The following S100PBP variants were observed in gnomAD, a reference collection of about 807,000 sequenced individuals.
S100PBP encodes S100P binding protein, also known as S100P-binding protein.
In S100PBP, 15 loss-of-function variants were observed where a neutral mutation model predicts 39.9. The observed-to-expected ratio is 0.38, with a 90% CI of 0.25 to 0.58. The LOEUF is 0.58. Among genes scored for constraint, S100PBP ranks in the 20% least tolerant of loss-of-function variants. The probability of loss-of-function intolerance (pLI) is 0.70; values close to 1 mark genes in which losing one functional copy is unlikely to be tolerated. For missense variants in S100PBP, 504 were observed against 487.3 expected, an observed-to-expected ratio of 1.03 and a Z score of -0.32; for synonymous variants, 178 against 180.3, an observed-to-expected ratio of 0.99 and a Z score of 0.10.
intron 5 of S100PBP, among the ~76,000 whole-genome samples, chr1:32,838,507 T>C (rs115332929): frequency 0.016 from 2,451 of 152,144 alleles, 26 homozygotes; most frequent in Middle Eastern, 0.024. Flanking sequence ...AATTATAAAA[T>C]ACACATAATA....
chr1:32,851,222 T>G (rs954250035), intron 5 of S100PBP, among the ~76,000 whole-genome samples: 1 of 152,196 alleles, frequency 6.6e-6, no homozygotes, highest in African/African-American at 2.4e-5. Context: ...ACATTTATCC[T>G]AAAAGTGACA....
At chr1:32,817,071 G>T, upstream of S100PBP, 1 of 1,323,730 alleles carries the variant, frequency 7.6e-7, no homozygotes, top group Non-Finnish European at 1.1e-6. Context: ...CTCTCTCAGA[G>T]CTGCGCCAGC....
upstream of S100PBP, chr1:32,816,878 C>T: frequency 1.8e-6 from 1 of 548,410 alleles, no homozygotes; most frequent in Non-Finnish European, 3.3e-6. Flanking sequence ...AGGCCCTTGA[C>T]GTATCCCCAG....
rs1553132298 is a variant in S100PBP at position 32,842,236 on chromosome 1, T to TAC, written c.1025-10810_1025-10809dup. Among the ~76,000 whole-genome samples the TAC allele has an allele frequency of 4.1e-3, 327 of 80,738 alleles. 2 individuals carry two copies. The highest frequency in any genetic ancestry group is 5.5e-3 in the African/African-American group (117 of 21,308). 53.0% of individuals were successfully genotyped at this position (80,738 alleles called of 152,430 possible). On this transcript the variant is annotated intron_variant, in intron 5 of 6. Transcript: ENST00000373475. ...ATATATATATGTATATATATATATA[T>TAC]ACACACACACACACACACACACACA...
chr1:32,830,754 G>T (rs1021934492), intron 5 of S100PBP, among the ~76,000 whole-genome samples: 1 of 152,118 alleles, frequency 6.6e-6, no homozygotes, highest in African/African-American at 2.4e-5. Flanking sequence ...TTATTAAAAA[G>T]ATCACTCCAG....
chr1:32,824,162 T>A (rs1639211257), intron 1 of S100PBP, among the ~76,000 whole-genome samples: 1 of 148,868 alleles, frequency 6.7e-6, no homozygotes, highest in Non-Finnish European at 1.5e-5. Flanking sequence ...CGCAAGATCG[T>A]GCCACTGCAC....
At chr1:32,846,412 C>G (rs1315283601) in intron 5 of S100PBP, among the ~76,000 whole-genome samples, 3 of 150,726 alleles carry the variant, frequency 2.0e-5, no homozygotes, top group Non-Finnish European at 2.9e-5. Flanking sequence ...AGCATTAATC[C>G]ATTTACATTT....
intron 5 of S100PBP, among the ~76,000 whole-genome samples, chr1:32,851,036 T>C (rs1640587905): frequency 2.0e-5 from 3 of 152,198 alleles, no homozygotes; most frequent in African/African-American, 7.2e-5. Context: ...AGCTTCAAGC[T>C]AAATTGTATT....
chr1:32,821,265 C>T (rs191299781), intron 1 of S100PBP, among the ~76,000 whole-genome samples: 37 of 152,188 alleles, frequency 2.4e-4, no homozygotes, highest in African/African-American at 8.7e-4. Context: ...GCCTTTCATG[C>T]ATATTTTAAT....
chr1:32,817,297 G>A, upstream of S100PBP: 1 of 1,607,974 alleles, frequency 6.2e-7, no homozygotes, highest in African/African-American at 1.3e-5. Context: ...GCCCCTTCCT[G>A]GGTCACCGTC....
chr1:32,818,366 T>C (rs1022333212), intron 1 of S100PBP, among the ~76,000 whole-genome samples: 7 of 152,188 alleles, frequency 4.6e-5, no homozygotes, highest in Non-Finnish European at 7.3e-5. Context: ...GGCCACCCTT[T>C]CTCCGGCTCC....
chr1:32,842,243 AC>A (rs1291563475), intron 5 of S100PBP, among the ~76,000 whole-genome samples: 1 of 76,756 alleles, frequency 1.3e-5, no homozygotes, highest in African/African-American at 4.2e-5. Flanking sequence ...ATATACACAC[AC>A]ACACACACAC....
intron 5 of S100PBP, among the ~76,000 whole-genome samples, chr1:32,837,980 T>A (rs1301063636): frequency 6.6e-6 from 1 of 152,218 alleles, no homozygotes; most frequent in Non-Finnish European, 1.5e-5. Context: ...ATATATGCTT[T>A]TATTTTTCTT....
chr1:32,848,782 C>T (rs150955823), intron 5 of S100PBP, among the ~76,000 whole-genome samples: 59 of 152,324 alleles, frequency 3.9e-4, no homozygotes, highest in African/African-American at 1.4e-3. Flanking sequence ...AAACCAGTCA[C>T]CTTCATATTT....
rs756074505 is a variant in S100PBP, at chr1:32,856,105, CT to C, written c.*71del. On this transcript the variant is annotated 3_prime_UTR_variant, in exon 7 of 7. Transcript: ENST00000373475. ...CCTGCTTGGAGCAGCATTTCATGTTCTTTTGCTGTTTTGTGCTTTGCCGATT... is the reference window on the plus strand; with the variant it reads ...CCTGCTTGGAGCAGCATTTCATGTTCTTTGCTGTTTTGTGCTTTGCCGATT... 6.0e-4 allele frequency: 615 copies of C among 1,027,080 alleles called. No individual in the cohort carries two copies. Among genetic ancestry groups the C allele is most frequent in the Non-Finnish European group, 8.2e-4 (559 of 678,812 alleles). 63.6% of individuals were successfully genotyped at this position (1,027,080 alleles called of 1,614,324 possible).
intron 5 of S100PBP, chr1:32,835,344 C>T (rs1404508123): frequency 6.6e-6 from 1 of 151,900 alleles, no homozygotes; most frequent in Non-Finnish European, 1.5e-5. Context: ...TAAATGGGAG[C>T]TCCTTCAAGA....
At chr1:32,823,981 A>C (rs1424917058) in intron 1 of S100PBP, among the ~76,000 whole-genome samples, 1 of 152,128 alleles carries the variant, frequency 6.6e-6, no homozygotes, top group Non-Finnish European at 1.5e-5. Flanking sequence ...GGCGGATCAC[A>C]AGGTCAGGAG....
At chr1:32,845,013 TA>T (rs1282402526) in intron 5 of S100PBP, among the ~76,000 whole-genome samples, 6 of 140,286 alleles carry the variant, frequency 4.3e-5, no homozygotes, top group Admixed American at 7.2e-5. Flanking sequence ...GTATTTTTAT[TA>T]TTTATTTATT....
At chr1:32,842,048 G>C (rs898344315) in intron 5 of S100PBP, among the ~76,000 whole-genome samples, 4 of 151,154 alleles carry the variant, frequency 2.6e-5, no homozygotes, top group African/African-American at 9.7e-5. Flanking sequence ...GGTTAGCCGG[G>C]CATGGTGACA....
Sources: allele counts gnomAD v4.1 joint callset (sites outside exome capture counted in the v4.1 genomes callset), GRCh38; gene constraint gnomAD v4.1.1; transcripts MANE v1.5; gene names NCBI Gene and HGNC (gene_info 2026-07-23, HGNC 2026-07-21).